The following STPG3 variants were observed in gnomAD, a reference collection of about 807,000 sequenced individuals.
STPG3 encodes the protein protein STPG3.
Under a neutral mutation model 32.5 loss-of-function variants are expected in STPG3, and 39 were observed. The ratio of observed to expected loss-of-function variants is 1.20; its 90% CI spans 0.93 to 1.57. The LOEUF is 1.57. Among genes scored for constraint, STPG3 ranks in the 40% most tolerant of loss-of-function variants. The pLI is 0.00. For missense variants in STPG3, 507 were observed against 407.6 expected, an observed-to-expected ratio of 1.24 and a Z score of -2.10; for synonymous variants, 209 against 172.4, an observed-to-expected ratio of 1.21 and a Z score of -1.66.
At position 137,252,905 on chromosome 9, in the gene STPG3, C is replaced by G. The variant is rs1837432268; in HGVS notation, c.736C>G (p.Pro246Ala). ...CCTTCCTGGGAGCCGCCTGCAGAGC[C>G]CCCGCTCGCCGGCCTTCTCGATGAG... The part of the protein sequence containing the change: ...NILPGSRLQS[P>A]RSPAFSMSRS... Residue 246 changes from proline (P) to alanine (A), a missense_variant, in exon 5 of 6, where the codon CCC becomes GCC. Coordinates refer to ENST00000412566, the MANE Select transcript of STPG3 (RefSeq NM_001004353.4). The G allele has an allele frequency of 6.3e-7, 1 of 1,598,422 alleles. No individual in the cohort carries two copies. The highest frequency in any genetic ancestry group is 8.5e-7 in the Non-Finnish European group (1 of 1,173,326).
Position 137,251,774 on chromosome 9 carries a change from G to T in STPG3, c.147G>T (p.Pro49=). ...KASVLLLGPE[P]GMAWDETQPP... is the part of the protein sequence containing the mutation. ...CTGTGCTGTTGTTGGGCCCGGAGCC[G>T]GGGATGGCCTGGGATGAGACACAGC... is the stretch of plus-strand genomic sequence containing the variant. Residue 49 remains proline (P), a synonymous_variant, in exon 2 of 6, where the codon CCG becomes CCT. Coordinates refer to ENST00000412566, the MANE Select transcript of STPG3 (RefSeq NM_001004353.4). 1 of 1,587,802 alleles carries T rather than the reference G, an allele frequency of 6.3e-7. No individual in the cohort carries two copies. The highest frequency in any genetic ancestry group is 2.3e-5 in the East Asian group (1 of 43,434).
At position 137,253,117 on chromosome 9, in the gene STPG3, C is replaced by A; in HGVS notation, c.799C>A (p.Arg267=). 1.3e-6 allele frequency: 2 copies of A among 1,564,626 alleles called. No individual in the cohort carries two copies. The highest frequency in any genetic ancestry group is 1.2e-5 in the South Asian group (1 of 84,704). Residue 267 remains arginine, a splice_region_variant and synonymous_variant, in exon 6 of 6, where the codon CGA becomes AGA. Transcript: ENST00000412566. The part of the protein sequence containing the change: ...PAFTSWLSTS[R]TPGPAAYHVE... Reference sequence around the variant, plus strand: ...CTCCCAGCCTTCTCTTTCGGCAGCCCGAACCCCTGGCCCAGCCGCCTACCA... The same window carrying A: ...CTCCCAGCCTTCTCTTTCGGCAGCCAGAACCCCTGGCCCAGCCGCCTACCA...
chr9:137,251,502 G>A, intron 1 of STPG3, 106 bp downstream of exon 1: 1 of 1,020,670 alleles, frequency 9.8e-7, no homozygotes, highest in Non-Finnish European at 1.5e-6. Flanking sequence ...GGGGACTGAG[G>A]GACAGTGTGG....
chr9:137,253,418 T>C lies in STPG3; in HGVS notation c.*173T>C. 1 of 1,449,282 alleles carries C rather than the reference T, an allele frequency of 6.9e-7. No homozygotes were observed. The allele number at this position is 1,449,282 out of a possible 1,614,324, so 89.8% of individuals were successfully genotyped here. On this transcript the variant is annotated 3_prime_UTR_variant, in exon 6 of 6. Coordinates refer to ENST00000412566, the MANE Select transcript of STPG3 (RefSeq NM_001004353.4). ...CCCTTCTATGGGCTGTGGACAAGGCTGGCCCAGCCTGGATCCCCCATCTGC... is the reference window on the plus strand; with the variant it reads ...CCCTTCTATGGGCTGTGGACAAGGCCGGCCCAGCCTGGATCCCCCATCTGC...
rs995041007 is a variant in STPG3 at position 137,252,268 on chromosome 9, A to G, written c.403+133A>G. ...CTTCCCTGCGTTCACCTCTAGGCTC[A>G]GCACCTGTAAGGAGGCCTGGAGAGA... On this transcript the variant is annotated intron_variant, in intron 3 of 5. Coordinates refer to ENST00000412566, the MANE Select transcript of STPG3 (RefSeq NM_001004353.4). 5.8e-6 allele frequency: 8 copies of G among 1,369,204 alleles called. No homozygotes were observed. The Admixed American group carries it at 1.3e-4, about 22-fold the overall frequency. 84.8% of individuals were successfully genotyped at this position (1,369,204 alleles called of 1,614,324 possible). A position where few individuals can be genotyped will look rare whatever the true frequency, so the allele number is the denominator to read the frequency against.
chr9:137,251,898 G>A lies in STPG3; in HGVS notation c.268+3G>A, dbSNP rs369470825. 1 of 1,606,002 alleles carries A rather than the reference G, an allele frequency of 6.2e-7. No individual in the cohort carries two copies. The highest frequency in any genetic ancestry group is 8.5e-7 in the Non-Finnish European group (1 of 1,176,462). ...CACCCAGACCCTGAGGGAACTATGT[G>A]AGTGAGGGTCCTGGCCACCCCACCC... On this transcript the variant is annotated splice_donor_region_variant and intron_variant, in intron 2 of 5. Transcript: ENST00000412566.
At position 137,252,741 on chromosome 9, in the gene STPG3, C is replaced by T. The variant is rs1376906610; in HGVS notation, c.572C>T (p.Ser191Phe). ...AGCTTCAGAGGCTGCCACTCCGCTTCCAAGACACCTGAAGGCCACACCCAC... is the reference window on the plus strand; with the variant it reads ...AGCTTCAGAGGCTGCCACTCCGCTTTCAAGACACCTGAAGGCCACACCCAC... ...AFSFRGCHSA[S>F]KTPEGHTHLG... The change falls in exon 5 of 6, where the codon TCC (serine) becomes TTC (phenylalanine). Residue 191 changes from serine to phenylalanine, a missense_variant. By Grantham distance (155) the Ser-to-Phe change is radical. Coordinates refer to ENST00000412566, the MANE Select transcript of STPG3 (RefSeq NM_001004353.4). 8 of 1,557,704 alleles carry T rather than the reference C, an allele frequency of 5.1e-6. No homozygotes were observed. Among genetic ancestry groups the T allele is most frequent in the Non-Finnish European group, 6.1e-6 (7 of 1,151,606 alleles).
rs1431122530 is a variant in STPG3, at chr9:137,252,007, A to G, written c.275A>G (p.Glu92Gly). 16 of 1,611,020 alleles carry G rather than the reference A, an allele frequency of 9.9e-6. No homozygotes were observed. The highest frequency in any genetic ancestry group is 1.4e-5 in the Non-Finnish European group (16 of 1,179,086). The change falls in exon 3 of 6, where the codon GAG (glutamate) becomes GGG (glycine). Residue 92 changes from glutamate to glycine, a missense_variant. Glu to Gly is a moderately conservative substitution (Grantham distance 98). Transcript: ENST00000412566. Reference protein sequence around the residue: ...YTQTLRELLLEQRPLITADLE... With the variant: ...YTQTLRELLLGQRPLITADLE... ...GCTTGCTTCCTGTGGCCAGTGCTGG[A>G]GCAACGCCCCCTGATCACAGCTGAC...
Position 137,252,779 on chromosome 9 carries a change from G to T in STPG3, c.610G>T (p.Gly204Trp), listed in dbSNP as rs920615464. 1 of 1,561,534 alleles carries T rather than the reference G, an allele frequency of 6.4e-7. No homozygotes were observed. The highest frequency in any genetic ancestry group is 1.2e-5 in the South Asian group (1 of 84,900). Reference protein sequence around the residue: ...PEGHTHLGLPGARGLGLRVQP... With the variant: ...PEGHTHLGLPWARGLGLRVQP... ...AGGCCACACCCACCTAGGGCTGCCTGGGGCTAGGGGGCTGGGCCTCAGGGT... is the reference window on the plus strand; with the variant it reads ...AGGCCACACCCACCTAGGGCTGCCTTGGGCTAGGGGGCTGGGCCTCAGGGT... The change falls in exon 5 of 6, where the codon GGG becomes TGG. Residue 204 changes from glycine (G) to tryptophan (W), a missense_variant. Transcript: ENST00000412566.
chr9:137,253,330 T>C lies in STPG3; in HGVS notation c.*85T>C, dbSNP rs757942699. ...GGCTTTCCCAGGCCTCCCCTGGGAC[T>C]TGGGGCCCCAGCCTGGCCTTCTGAC... On this transcript the variant is annotated 3_prime_UTR_variant, in exon 6 of 6. Coordinates refer to ENST00000412566, the MANE Select transcript of STPG3 (RefSeq NM_001004353.4). 6.8e-5 allele frequency: 105 copies of C among 1,549,910 alleles called. No individual in the cohort carries two copies. The African/African-American group carries it at 1.4e-3, about 20-fold the overall frequency.
At position 137,252,742 on chromosome 9, in the gene STPG3, C is replaced by T. The variant is rs1407375984; in HGVS notation, c.573C>T (p.Ser191=). 11 of 1,557,710 alleles carry T rather than the reference C, an allele frequency of 7.1e-6. No individual in the cohort carries two copies. Among genetic ancestry groups the T allele is most frequent in the African/African-American group, 1.4e-5 (1 of 73,256 alleles). ...GCTTCAGAGGCTGCCACTCCGCTTC[C>T]AAGACACCTGAAGGCCACACCCACC... ...AFSFRGCHSA[S]KTPEGHTHLG... The change falls in exon 5 of 6, where the codon TCC becomes TCT. Residue 191 remains serine, a synonymous_variant. Coordinates refer to ENST00000412566, the MANE Select transcript of STPG3 (RefSeq NM_001004353.4).
intron 1 of STPG3, 126 bp downstream of exon 1, chr9:137,251,522 G>A (rs1322486573): frequency 3.1e-6 from 3 of 979,806 alleles, no homozygotes; most frequent in East Asian, 2.4e-5. Context: ...GGGACAGGCT[G>A]TGGGGCAGGC....
intron 3 of STPG3, 151 bp downstream of exon 3, chr9:137,252,286 T>C: frequency 7.5e-7 from 1 of 1,341,376 alleles, no homozygotes; most frequent in South Asian, 1.4e-5. Flanking sequence ...TAAGGAGGCC[T>C]GGAGAGAGGA....
At position 137,253,274 on chromosome 9, in the gene STPG3, G is replaced by A. The variant is rs201925640; in HGVS notation, c.*29G>A. The A allele has an allele frequency of 1.6e-5, 25 of 1,590,838 alleles. No homozygotes were observed. Among genetic ancestry groups the A allele is most frequent in the Admixed American group, 5.3e-5 (3 of 56,910 alleles). On this transcript the variant is annotated 3_prime_UTR_variant, in exon 6 of 6. Transcript: ENST00000412566. ...CAGCTGGGCACAACCTGCTTGGCCC[G>A]GCCACCGAGTGGAACCATGGCCTCC...
intron 3 of STPG3, 143 bp from the exon 4 acceptor site, chr9:137,252,294 G>C: frequency 7.6e-7 from 1 of 1,309,742 alleles, no homozygotes; most frequent in Non-Finnish European, 1.1e-6. Context: ...CCTGGAGAGA[G>C]GAGGGCTAGG....
chr9:137,251,395 C>A lies in STPG3; in HGVS notation c.109C>A (p.Gln37Lys), dbSNP rs1355534358. 1.9e-6 allele frequency: 3 copies of A among 1,607,734 alleles called. No individual in the cohort carries two copies. Among genetic ancestry groups the A allele is most frequent in the Non-Finnish European group, 2.6e-6 (3 of 1,175,396 alleles). The change falls in exon 1 of 6, where the codon CAG (glutamine) becomes AAG (lysine). Residue 37 changes from glutamine (Q) to lysine (K), a missense_variant and splice_region_variant. Gln to Lys is a moderately conservative substitution (Grantham distance 53, BLOSUM62 1). Transcript: ENST00000412566. ...GAGGCAGACACAACCAGAGCCCACC[C>A]AGTAACTGGCGGAGAGGGGGAGAAG... The part of the protein sequence containing the change: ...HLRQTQPEPT[Q>K]PKASVLLLGP...
rs1171785187 is a variant in STPG3, at chr9:137,252,979, G to A, written c.796+14G>A. ...GGCTCAGCACCTGTAAGGAGGCCTG[G>A]AGAGAAGAGGGCTAGGGATGGGGCA... On this transcript the variant is annotated intron_variant, in intron 5 of 5. Coordinates refer to ENST00000412566, the MANE Select transcript of STPG3 (RefSeq NM_001004353.4). 1 of 1,587,138 alleles carries A rather than the reference G, an allele frequency of 6.3e-7. No individual in the cohort carries two copies. Among genetic ancestry groups the A allele is most frequent in the Middle Eastern group, 1.7e-4 (1 of 5,990 alleles).
chr9:137,252,836 C>T lies in STPG3; in HGVS notation c.667C>T (p.Gln223Ter), dbSNP rs1362922491. The T allele has an allele frequency of 1.3e-6, 2 of 1,571,816 alleles. No homozygotes were observed. Among genetic ancestry groups the T allele is most frequent in the Non-Finnish European group, 8.6e-7 (1 of 1,159,172 alleles). ...QPQSLLQASL[Q>*]APGKRCPGPN... ...CCAGTCCCTGCTTCAGGCCTCTTTGCAGGCACCTGGCAAGAGATGCCCTGG... is the reference window on the plus strand; with the variant it reads ...CCAGTCCCTGCTTCAGGCCTCTTTGTAGGCACCTGGCAAGAGATGCCCTGG... The change falls in exon 5 of 6, where the codon CAG becomes TAG. Residue 223 changes from glutamine to a stop codon, truncating the protein, a stop_gained. Transcript: ENST00000412566. LOFTEE classifies it high-confidence loss of function.
At position 137,252,774 on chromosome 9, in the gene STPG3, T is replaced by G. The variant is rs1167390258; in HGVS notation, c.605T>G (p.Leu202Arg). The part of the protein sequence containing the change: ...KTPEGHTHLG[L>R]PGARGLGLRV... ...CCTGAAGGCCACACCCACCTAGGGC[T>G]GCCTGGGGCTAGGGGGCTGGGCCTC... Residue 202 changes from leucine (L) to arginine (R), a missense_variant, in exon 5 of 6, where the codon CTG becomes CGG. Coordinates refer to ENST00000412566, the MANE Select transcript of STPG3 (RefSeq NM_001004353.4). The G allele has an allele frequency of 6.4e-7, 1 of 1,562,032 alleles. No individual in the cohort carries two copies. Among genetic ancestry groups the G allele is most frequent in the Admixed American group, 1.9e-5 (1 of 52,570 alleles).
Sources: allele counts gnomAD v4.1 joint callset, GRCh38; gene constraint gnomAD v4.1.1; transcripts MANE v1.5; gene names NCBI Gene and HGNC (gene_info 2026-07-23, HGNC 2026-07-21).